The following TCF7L1 variants were observed in gnomAD, a reference collection of about 807,000 sequenced individuals.
The protein encoded by TCF7L1 is transcription factor 7 like 1.
A neutral mutation model predicts 63.7 loss-of-function variants in TCF7L1; 18 were observed. The observed-to-expected ratio is 0.28, with a 90% CI of 0.20 to 0.42. TCF7L1 has a LOEUF of 0.42. Ranked by LOEUF, TCF7L1 falls within the 10% of genes least tolerant of loss-of-function variation. TCF7L1 has a pLI of 1.00. For synonymous variants in TCF7L1, 355 were observed against 340.9 expected (o/e 1.04, Z -0.46); for missense variants, 654 against 779.3 (o/e 0.84, Z 1.91).
intron 3 of TCF7L1, among the ~76,000 whole-genome samples, chr2:85,268,265 A>G (rs1247861251): frequency 6.6e-6 from 1 of 152,156 alleles, no homozygotes; most frequent in Non-Finnish European, 1.5e-5. Context: ...GTCTGTGGCA[A>G]CAACCCCAGG....
At chr2:85,266,467 C>T (rs1255521643) in intron 3 of TCF7L1, among the ~76,000 whole-genome samples, 2 of 152,270 alleles carry the variant, frequency 1.3e-5, no homozygotes, top group Non-Finnish European at 1.5e-5. Context: ...ATTCTGCAAA[C>T]AAATGGGAGT....
At chr2:85,291,802 C>T (rs946082016) in intron 4 of TCF7L1, among the ~76,000 whole-genome samples, 2 of 152,110 alleles carry the variant, frequency 1.3e-5, no homozygotes, top group African/African-American at 4.8e-5. Flanking sequence ...GCAGCCTAAA[C>T]TCAAGCATTC....
At chr2:85,252,413 C>T (rs922505583) in intron 3 of TCF7L1, among the ~76,000 whole-genome samples, 2 of 152,188 alleles carry the variant, frequency 1.3e-5, no homozygotes, top group Non-Finnish European at 2.9e-5. Context: ...CCCGTTCAGG[C>T]AGACAATTCC....
At chr2:85,155,009 G>T (rs550380626) in intron 3 of TCF7L1, among the ~76,000 whole-genome samples, 1 of 152,200 alleles carries the variant, frequency 6.6e-6, no homozygotes, top group East Asian at 1.9e-4. Context: ...TAAAGACGGG[G>T]TTTCACCATG....
chr2:85,305,982 T>G (rs1318370154), intron 8 of TCF7L1, among the ~76,000 whole-genome samples: 5 of 151,984 alleles, frequency 3.3e-5, no homozygotes, highest in African/African-American at 1.2e-4. Context: ...GTCAGGAAAT[T>G]GGAGAGTAGA....
At chr2:85,164,975 A>G (rs1678381823) in intron 3 of TCF7L1, among the ~76,000 whole-genome samples, 1 of 152,222 alleles carries the variant, frequency 6.6e-6, no homozygotes, top group Admixed American at 6.5e-5. Flanking sequence ...AAAATATAAA[A>G]TATTTTGATA....
chr2:85,238,085 G>C (rs1457711098), intron 3 of TCF7L1, among the ~76,000 whole-genome samples: 1 of 151,856 alleles, frequency 6.6e-6, no homozygotes, highest in Non-Finnish European at 1.5e-5. Flanking sequence ...TGATTATTAG[G>C]TTCCTGCTGT....
At chr2:85,143,862 G>A (rs984084578) in intron 3 of TCF7L1, among the ~76,000 whole-genome samples, 14 of 152,316 alleles carry the variant, frequency 9.2e-5, no homozygotes, top group African/African-American at 3.1e-4. Flanking sequence ...AACAGTTGTA[G>A]AAGCGAGTGA....
chr2:85,151,334 C>T (rs1393947394), intron 3 of TCF7L1, among the ~76,000 whole-genome samples: 3 of 152,166 alleles, frequency 2.0e-5, no homozygotes, highest in Non-Finnish European at 1.5e-5. Flanking sequence ...TTGCTCTATC[C>T]ACTGAAGTTC....
intron 3 of TCF7L1, among the ~76,000 whole-genome samples, chr2:85,138,752 C>G (rs938349586): frequency 4.2e-4 from 64 of 152,264 alleles, no homozygotes; most frequent in African/African-American, 1.5e-3. Flanking sequence ...ATTGATCACA[C>G]TTTTAGGGAT....
At chr2:85,189,954 C>A (rs1185175454) in intron 3 of TCF7L1, among the ~76,000 whole-genome samples, 1 of 152,188 alleles carries the variant, frequency 6.6e-6, no homozygotes. Flanking sequence ...CTTGGAGCCT[C>A]TGGAAGGGAG....
At chr2:85,249,507 C>T (rs551573896) in intron 3 of TCF7L1, among the ~76,000 whole-genome samples, 1 of 152,270 alleles carries the variant, frequency 6.6e-6, no homozygotes, top group Admixed American at 6.5e-5. Context: ...CATTTTTCTG[C>T]CTTGATAAAG....
Position 85,306,449 on chromosome 2 carries a change from C to G in TCF7L1, c.1150-3C>G. The G allele has an allele frequency of 6.2e-7, 1 of 1,614,108 alleles. No homozygotes were observed. The highest frequency in any genetic ancestry group is 1.7e-5 in the Admixed American group (1 of 60,014). On this transcript the variant is annotated splice_polypyrimidine_tract_variant and splice_region_variant and intron_variant, in intron 9 of 11. Transcript: ENST00000282111. This position sits in a 1 kb window ranked among gnomAD's most constrained non-coding sequence, Gnocchi z 4.3. Reference sequence around the variant, plus strand: ...GTGTGGTCTCTGACCCTCTCTCCCCCAGTGGCACAACCTGTCTCGAGAAGA... The same window carrying G: ...GTGTGGTCTCTGACCCTCTCTCCCCGAGTGGCACAACCTGTCTCGAGAAGA...
chr2:85,236,318 C>G (rs1680190977), intron 3 of TCF7L1, among the ~76,000 whole-genome samples: 2 of 152,184 alleles, frequency 1.3e-5, no homozygotes, highest in South Asian at 4.1e-4. Flanking sequence ...GGACTCTGTT[C>G]TTTGCTTTGA....
At chr2:85,239,806 A>G (rs1430065972) in intron 3 of TCF7L1, among the ~76,000 whole-genome samples, 1 of 151,972 alleles carries the variant, frequency 6.6e-6, no homozygotes, top group Non-Finnish European at 1.5e-5. Flanking sequence ...TTAGCCGGGC[A>G]TGGTGGCACG....
intron 3 of TCF7L1, among the ~76,000 whole-genome samples, chr2:85,219,088 G>A (rs1190137407): frequency 7.0e-6 from 1 of 142,756 alleles, no homozygotes; most frequent in East Asian, 1.9e-4. Context: ...AGAAGTTAGG[G>A]GCTGCAGTGA....
chr2:85,290,668 C>T (rs57648156), intron 4 of TCF7L1, among the ~76,000 whole-genome samples: 5,194 of 152,188 alleles, frequency 0.034, 195 homozygotes, highest in African/African-American at 0.084. Flanking sequence ...TTAGGGTTCT[C>T]CAGGGAAACA....
chr2:85,182,034 G>C (rs1375961830), intron 3 of TCF7L1, among the ~76,000 whole-genome samples: 1 of 152,192 alleles, frequency 6.6e-6, no homozygotes, highest in Non-Finnish European at 1.5e-5. Context: ...TCCTGCCAAA[G>C]GACAGGGGAA....
At chr2:85,305,610 TTC>T (rs1465482895) in intron 8 of TCF7L1, among the ~76,000 whole-genome samples, 2 of 152,158 alleles carry the variant, frequency 1.3e-5, no homozygotes, top group Non-Finnish European at 2.9e-5. Context: ...ATGGTGCATC[TTC>T]TCTCTTATTA....
Sources: allele counts gnomAD v4.1 joint callset (sites outside exome capture counted in the v4.1 genomes callset), GRCh38; gene constraint gnomAD v4.1.1; non-coding constraint Gnocchi (gnomAD v3.1); transcripts MANE v1.5; gene names NCBI Gene and HGNC (gene_info 2026-07-23, HGNC 2026-07-21).